The following TBC1D21 variants were observed in gnomAD, a reference collection of about 807,000 sequenced individuals.
The protein encoded by TBC1D21 is TBC1 domain family member 21, also known as male germ cell Rab GTPase-activating protein.
TBC1D21 carries 38 observed loss-of-function variants against 46.0 expected under a neutral mutation model. The ratio of observed to expected loss-of-function variants is 0.83; its 90% CI spans 0.64 to 1.08. The LOEUF is 1.08. Among genes scored for constraint, TBC1D21 ranks in the 50% least tolerant of loss-of-function variants. The pLI, the probability that TBC1D21 is intolerant of heterozygous loss-of-function variation, is 0.00. For missense variants in TBC1D21, 415 were observed against 417.9 expected (o/e 0.99, Z 0.06); for synonymous variants, 151 against 157.2 (o/e 0.96, Z 0.29).
chr15:73,881,651 A>T lies in TBC1D21; in HGVS notation c.176A>T (p.His59Leu), dbSNP rs1371934813. 6.2e-7 allele frequency: 1 copy of T among 1,612,206 alleles called. No homozygotes were observed. Among genetic ancestry groups the T allele is most frequent in the Admixed American group, 1.7e-5 (1 of 59,830 alleles). Residue 59 changes from histidine to leucine, a missense_variant, in exon 3 of 11, where the codon CAC (histidine) becomes CTC (leucine). His to Leu is a moderately conservative substitution (Grantham distance 99, BLOSUM62 -3). Transcript: ENST00000300504. ...ICVNILERGL[H>L]PFVRTEAWKF... ...CTCCCACCCCCACCCCAGGGTCTGC[A>T]CCCCTTCGTGAGGACTGAAGCCTGG...
At chr15:73,874,607 C>T (rs1470511265) in intron 1 of TBC1D21, among the ~76,000 whole-genome samples, 3 of 152,154 alleles carry the variant, frequency 2.0e-5, no homozygotes, top group African/African-American at 7.2e-5. Flanking sequence ...AGTTGTATTT[C>T]GACCCAGACA....
rs2068221831 is a variant in TBC1D21 at position 73,885,119 on chromosome 15, G to A, written c.579+16G>A. On this transcript the variant is annotated intron_variant, in intron 6 of 10. Transcript: ENST00000300504. Reference sequence around the variant, plus strand: ...GCAGAAAACGGTGAGGGCAAGGCCTGAGCTCAGGGACGCCCCTCCCCAACC... The same window carrying A: ...GCAGAAAACGGTGAGGGCAAGGCCTAAGCTCAGGGACGCCCCTCCCCAACC... 1 of 1,607,212 alleles carries A rather than the reference G, an allele frequency of 6.2e-7. No homozygotes were observed. Among genetic ancestry groups the A allele is most frequent in the Non-Finnish European group, 8.5e-7 (1 of 1,177,948 alleles).
intron 1 of TBC1D21, 122 bp from the exon 2 acceptor site, chr15:73,881,277 C>A: frequency 1.5e-6 from 1 of 668,300 alleles, no homozygotes; most frequent in Non-Finnish European, 2.5e-6. Context: ...AGATAGATTT[C>A]CGAAGTAAGT....
chr15:73,902,386 A>G, the TBC1D21 span, among the ~76,000 whole-genome samples: 89 of 152,300 alleles, frequency 5.8e-4, no homozygotes, highest in Middle Eastern at 3.4e-3. Context: ...AGTGAGCCCT[A>G]TCGGCCTGAG....
intron 1 of TBC1D21, among the ~76,000 whole-genome samples, chr15:73,874,514 T>C (rs2068023428): frequency 6.6e-6 from 1 of 152,236 alleles, no homozygotes; most frequent in East Asian, 1.9e-4. Flanking sequence ...AATAATGCTG[T>C]TGTCTTCCTT....
the TBC1D21 span, chr15:73,908,295 A>G: frequency 3.3e-5 from 5 of 152,276 alleles, no homozygotes; most frequent in Non-Finnish European, 7.3e-5. Context: ...TGATGAGTGT[A>G]ACACACACAC....
At chr15:73,881,535 C>A (rs1376946174) in intron 2 of TBC1D21, 29 bp downstream of exon 2, 1 of 1,609,812 alleles carries the variant, frequency 6.2e-7, no homozygotes, top group East Asian at 2.2e-5. Context: ...CTTGGCCTTG[C>A]CCTGGAACTG....
chr15:73,898,353 A>T, the TBC1D21 span, among the ~76,000 whole-genome samples: 3 of 152,146 alleles, frequency 2.0e-5, no homozygotes. Flanking sequence ...CGTTTCCTCA[A>T]CCTGATTCCT....
At chr15:73,893,337 T>C (rs1352554931), downstream of TBC1D21, among the ~76,000 whole-genome samples, 3 of 152,158 alleles carry the variant, frequency 2.0e-5, no homozygotes, top group East Asian at 1.9e-4. Context: ...TATCTTTAAA[T>C]GAATCACCGT....
chr15:73,874,265 A>T (rs945702475), intron 1 of TBC1D21, among the ~76,000 whole-genome samples: 12 of 152,264 alleles, frequency 7.9e-5, no homozygotes, highest in Non-Finnish European at 1.8e-4. Context: ...AATCATAGTG[A>T]TTAAGAGAGT....
At chr15:73,891,270 C>T (rs2068334409), downstream of TBC1D21, among the ~76,000 whole-genome samples, 1 of 152,230 alleles carries the variant, frequency 6.6e-6, no homozygotes, top group Admixed American at 6.5e-5. Context: ...GGAGATAGAA[C>T]TACAGGAAGC....
In TBC1D21 at chr15:73,884,195, C is replaced by T. The variant is rs777459652; in HGVS notation, c.317C>T (p.Pro106Leu). The T allele has an allele frequency of 1.2e-5, 20 of 1,614,196 alleles. No homozygotes were observed. In the South Asian group the frequency reaches 2.0e-4, roughly 16 times the overall value. The change falls in exon 4 of 11, where the codon CCC becomes CTC. Residue 106 changes from proline to leucine, a missense_variant. By Grantham distance (98) the Pro-to-Leu change is moderately conservative. Transcript: ENST00000300504. ...ALCQMYEKIQPLLENLHRNFT... is the reference protein window; with the variant it reads ...ALCQMYEKIQLLLENLHRNFT... ...TGCCAAATGTATGAGAAGATTCAGC[C>T]CCTTCTGGAAAACCTGCACCGGAAC...
At chr15:73,890,022 C>T (rs1032871919), downstream of TBC1D21, among the ~76,000 whole-genome samples, 2 of 152,210 alleles carry the variant, frequency 1.3e-5, no homozygotes, top group African/African-American at 4.8e-5. Context: ...CACATACACA[C>T]ACACACGAAT....
intron 1 of TBC1D21, among the ~76,000 whole-genome samples, chr15:73,881,091 T>C (rs2068145986): frequency 6.6e-6 from 1 of 152,234 alleles, no homozygotes; most frequent in Non-Finnish European, 1.5e-5. Flanking sequence ...TCATTCCTTG[T>C]AAACAACACT....
intron 3 of TBC1D21, among the ~76,000 whole-genome samples, chr15:73,883,869 G>T (rs2068196624): frequency 6.6e-6 from 1 of 152,200 alleles, no homozygotes; most frequent in African/African-American, 2.4e-5. Context: ...TGCCCCCAGT[G>T]GCAGACACCC....
intron 1 of TBC1D21, 95 bp downstream of exon 1, chr15:73,873,864 C>G: frequency 1.4e-6 from 2 of 1,420,228 alleles, no homozygotes; most frequent in Non-Finnish European, 1.9e-6. Flanking sequence ...AGCTAGAACC[C>G]TGAGCTAACA....
At position 73,889,118 on chromosome 15, in the gene TBC1D21, A is replaced by G. The variant is rs761938775; in HGVS notation, c.*17A>G. 6.2e-6 allele frequency: 10 copies of G among 1,611,780 alleles called. No homozygotes were observed. The East Asian group carries it at 2.0e-4, about 32-fold the overall frequency. On this transcript the variant is annotated 3_prime_UTR_variant, in exon 11 of 11. Transcript: ENST00000300504. Reference sequence around the variant, plus strand: ...TTCCTCTGAGGACACCAAAGCCCGCAGTGGACTGATGCCTTCGATGGGCAG... The same window carrying G: ...TTCCTCTGAGGACACCAAAGCCCGCGGTGGACTGATGCCTTCGATGGGCAG...
At position 73,873,649 on chromosome 15, in the gene TBC1D21, A is replaced by C; in HGVS notation, c.-61A>C. ...ATGCAACCCATCTCCGAAAAGGATT[A>C]AGCATCACTAGGGCTCCAAGTGAGT... On this transcript the variant is annotated 5_prime_UTR_variant, in exon 1 of 11. An upstream open reading frame in the 5' UTR loses its in-frame stop. Transcript: ENST00000300504. The C allele has an allele frequency of 6.5e-7, 1 of 1,546,388 alleles. No homozygotes were observed. Among genetic ancestry groups the C allele is most frequent in the Non-Finnish European group, 8.8e-7 (1 of 1,136,978 alleles).
chr15:73,900,973 T>C, the TBC1D21 span, among the ~76,000 whole-genome samples: 2 of 152,194 alleles, frequency 1.3e-5, no homozygotes, highest in African/African-American at 2.4e-5. Context: ...AAACTGGGAC[T>C]CAAAGCCCAA....
Sources: gnomAD v4.1 joint callset for allele counts (sites outside exome capture counted in the v4.1 genomes callset) on GRCh38, gnomAD v4.1.1 for gene constraint, MANE v1.5 for transcripts, NCBI Gene and HGNC (gene_info 2026-07-23, HGNC 2026-07-21) for gene names.